Variants in FMN2 observed in about 807,000 individuals in gnomAD.
FMN2 encodes formin-2.
In FMN2, 51 loss-of-function variants were observed where a neutral mutation model predicts 142.3. The ratio of observed to expected loss-of-function variants is 0.36; its 90% CI spans 0.29 to 0.45. FMN2 has a LOEUF of 0.45. Among genes scored for constraint, FMN2 ranks in the 20% least tolerant of loss-of-function variants. FMN2 has a pLI of 1.00. For synonymous variants in FMN2, 882 were observed against 869.8 expected, an observed-to-expected ratio of 1.01 and a Z score of -0.25; for missense variants, 1,936 against 2,122.8, an observed-to-expected ratio of 0.91 and a Z score of 1.73.
intron 8 of FMN2, among the ~76,000 whole-genome samples, chr1:240,310,989 G>A (rs1286835951): frequency 6.6e-6 from 1 of 151,814 alleles, no homozygotes; most frequent in Non-Finnish European, 1.5e-5. Flanking sequence ...AATACTATTA[G>A]CAGTTCAACT....
intron 13 of FMN2, among the ~76,000 whole-genome samples, chr1:240,342,081 G>A (rs1395237534): frequency 3.3e-5 from 5 of 152,068 alleles, no homozygotes; most frequent in East Asian, 3.9e-4. Flanking sequence ...ATTCCTCCAC[G>A]ATCATAGTTC....
chr1:240,445,284 A>G (rs1278113608), intron 16 of FMN2, among the ~76,000 whole-genome samples: 1 of 152,220 alleles, frequency 6.6e-6, no homozygotes, highest in East Asian at 1.9e-4. Context: ...TTCTCTTCTC[A>G]TGAGAGAAAC....
Position 240,206,925 on chromosome 1 carries a change from G to T in FMN2, c.2113G>T (p.Ala705Ser), listed in dbSNP as rs1161570864. 1.2e-6 allele frequency: 2 copies of T among 1,614,180 alleles called. No homozygotes were observed. The highest frequency in any genetic ancestry group is 2.2e-5 in the South Asian group (2 of 91,084). ...GTATCCTGCCCTGGACACAGAGGTG[G>T]CCAGTGGTCATCAAGGGCTTGAGAA... Reference protein sequence around the residue: ...RQYPALDTEVASGHQGLENGV... With the variant: ...RQYPALDTEVSSGHQGLENGV... The change falls in exon 5 of 18, where the codon GCC becomes TCC. Residue 705 changes from alanine (A) to serine (S), a missense_variant. Transcript: ENST00000319653.
At position 240,472,148 on chromosome 1, in the gene FMN2, A is replaced by G. The variant is rs1676832522; in HGVS notation, c.5061-224A>G. 3.2e-5 allele frequency: 15 copies of G among 468,984 alleles called. No homozygotes were observed. In the South Asian group the frequency reaches 4.6e-4, roughly 14 times the overall value. The allele number at this position is 468,984 out of a possible 1,614,324, so 29.1% of individuals were successfully genotyped here. On this transcript the variant is annotated intron_variant, in intron 16 of 17. Transcript: ENST00000319653. The stretch of plus-strand genomic sequence containing the variant: ...ATGTGTTTGTATATTACTCCATTCA[A>G]TCATACTATGATTCCAAGTTAAGAA...
chr1:240,309,808 G>T (rs1670541908), intron 8 of FMN2, among the ~76,000 whole-genome samples: 1 of 152,142 alleles, frequency 6.6e-6, no homozygotes, highest in Non-Finnish European at 1.5e-5. Flanking sequence ...CAAACTGAGG[G>T]ATGAGAGGCA....
chr1:240,328,167 A>AAAAAAAAAAAG (rs1558435720), intron 8 of FMN2, among the ~76,000 whole-genome samples: 4 of 141,128 alleles, frequency 2.8e-5, no homozygotes, highest in Non-Finnish European at 3.1e-5. Context: ...AAAAAAAAAA[A>AAAAAAAAAAAG]AAAAAGAAAA....
intron 15 of FMN2, among the ~76,000 whole-genome samples, chr1:240,394,638 C>G (rs1282568866): frequency 6.6e-6 from 1 of 152,110 alleles, no homozygotes; most frequent in Non-Finnish European, 1.5e-5. Context: ...CTAGGATTTT[C>G]ATAGCTAGAG....
At chr1:240,408,390 C>G (rs1057074602) in intron 15 of FMN2, among the ~76,000 whole-genome samples, 6 of 151,734 alleles carry the variant, frequency 4.0e-5, no homozygotes, top group Admixed American at 3.9e-4. Flanking sequence ...ATAAGAACAA[C>G]AGAGATTAGA....
chr1:240,394,882 C>A (rs562847966), intron 15 of FMN2, among the ~76,000 whole-genome samples: 1 of 152,226 alleles, frequency 6.6e-6, no homozygotes, highest in South Asian at 2.1e-4. Context: ...GCAGGAGAAT[C>A]GCTTGAACCC....
intron 15 of FMN2, among the ~76,000 whole-genome samples, chr1:240,414,189 G>A (rs1674506464): frequency 6.6e-6 from 1 of 152,192 alleles, no homozygotes; most frequent in African/African-American, 2.4e-5. Flanking sequence ...CAATGTCACC[G>A]AAGCTAAGGT....
intron 8 of FMN2, among the ~76,000 whole-genome samples, chr1:240,311,858 C>T (rs941013750): frequency 6.6e-6 from 1 of 152,168 alleles, no homozygotes; most frequent in African/African-American, 2.4e-5. Flanking sequence ...CAAGGTCTCG[C>T]TCTCTTGGCC....
intron 4 of FMN2, among the ~76,000 whole-genome samples, chr1:240,197,198 A>T (rs941535737): frequency 5.3e-5 from 8 of 152,014 alleles, no homozygotes; most frequent in Non-Finnish European, 8.8e-5. Context: ...ACATCATGAA[A>T]CCTCCATTAA....
intron 16 of FMN2, among the ~76,000 whole-genome samples, chr1:240,470,160 C>T (rs564622835): frequency 3.3e-5 from 5 of 149,448 alleles, no homozygotes; most frequent in African/African-American, 1.2e-4. Context: ...CTTTAAAAAG[C>T]TCCAAGTAAA....
chr1:240,325,451 T>C (rs1301521149), intron 8 of FMN2, among the ~76,000 whole-genome samples: 1 of 152,122 alleles, frequency 6.6e-6, no homozygotes, highest in Non-Finnish European at 1.5e-5. Flanking sequence ...GTGTATACTT[T>C]CTCATATAAA....
chr1:240,319,409 T>C (rs1478494635), intron 8 of FMN2, among the ~76,000 whole-genome samples: 1 of 152,200 alleles, frequency 6.6e-6, no homozygotes, highest in African/African-American at 2.4e-5. Flanking sequence ...GATATCTTTC[T>C]GTCTGTCTGT....
intron 4 of FMN2, among the ~76,000 whole-genome samples, chr1:240,193,508 G>T (rs1451487570): frequency 1.3e-5 from 2 of 152,172 alleles, no homozygotes; most frequent in Non-Finnish European, 1.5e-5. Context: ...CGTCATTTTT[G>T]GATAGATGGA....
At chr1:240,120,429 A>C (rs1440810556) in intron 1 of FMN2, among the ~76,000 whole-genome samples, 1 of 152,192 alleles carries the variant, frequency 6.6e-6, no homozygotes, top group Non-Finnish European at 1.5e-5. Flanking sequence ...AAAAAGTTTG[A>C]TGGTATAGAC....
At position 240,143,124 on chromosome 1, in the gene FMN2, T is replaced by C. The variant is rs1663265691; in HGVS notation, c.1782+19779T>C. ...TGCCAAGTGCACCATGAAGAGGTCG[T>C]TGGGGTCCTTGGCATGATATTGAGC... On this transcript the variant is annotated intron_variant, in intron 2 of 17. Coordinates refer to ENST00000319653, the MANE Select transcript of FMN2 (RefSeq NM_020066.5). 13 of 1,559,422 alleles carry C rather than the reference T, an allele frequency of 8.3e-6. No homozygotes were observed. The South Asian group carries it at 8.9e-5, about 11-fold the overall frequency.
intron 16 of FMN2, among the ~76,000 whole-genome samples, chr1:240,456,383 G>T (rs1676246158): frequency 6.6e-6 from 1 of 152,158 alleles, no homozygotes; most frequent in Admixed American, 6.5e-5. Context: ...TTGATTCCAT[G>T]CTATGTCAGA....
Sources: allele counts gnomAD v4.1 joint callset (sites outside exome capture counted in the v4.1 genomes callset), GRCh38; gene constraint gnomAD v4.1.1; transcripts MANE v1.5; gene names NCBI Gene and HGNC (gene_info 2026-07-23, HGNC 2026-07-21).